Variants in AGO2 observed in about 807,000 individuals in gnomAD.
AGO2 encodes the protein protein argonaute-2.
In AGO2, 5 loss-of-function variants were observed where a neutral mutation model predicts 102.3. The observed-to-expected ratio is 0.05, with a 90% CI of 0.03 to 0.10. The LOEUF is 0.10. AGO2 is among the 10% of genes least tolerant of loss of function. The pLI, the probability that AGO2 is intolerant of heterozygous loss-of-function variation, is 1.00. For missense variants in AGO2, 541 were observed against 1,183.7 expected, an observed-to-expected ratio of 0.46 and a Z score of 7.97; for synonymous variants, 449 against 473.1, an observed-to-expected ratio of 0.95 and a Z score of 0.66.
In AGO2 at chr8:140,613,322, C is replaced by T. The variant is rs140355001; in HGVS notation, c.22+22163G>A. On this transcript the variant is annotated intron_variant, in intron 1 of 18. Coordinates refer to ENST00000220592, the MANE Select transcript of AGO2 (RefSeq NM_012154.5). ...GAGATTTAGGAAAAATGTAAAACTA[C>T]GCCACTCTTCTCATTATATTTTGTT... is the stretch of plus-strand genomic sequence containing the variant. Among the ~76,000 whole-genome samples, 1,365 of 152,270 alleles carry T rather than the reference C, an allele frequency of 9.0e-3. 6 individuals are homozygous for T. Among genetic ancestry groups the T allele is most frequent in the Non-Finnish European group, 0.014 (979 of 68,028 alleles).
rs368964253 is a variant in AGO2, at chr8:140,539,359, C to T, written c.2130G>A (p.Arg710=). 19 of 1,613,734 alleles carry T rather than the reference C, an allele frequency of 1.2e-5. No individual in the cohort carries two copies. Among genetic ancestry groups the T allele is most frequent in the Non-Finnish European group, 1.4e-5 (17 of 1,179,850 alleles). ...CAGTGCAGAAGAGCCGGGTGTGGTGCCTCTTCTGCACCACGATGAAGGTGA... is the reference window on the plus strand; with the variant it reads ...CAGTGCAGAAGAGCCGGGTGTGGTGTCTCTTCTGCACCACGATGAAGGTGA... ...PGITFIVVQK[R]HHTRLFCTDK... The change falls in exon 16 of 19, where the codon AGG becomes AGA. Residue 710 remains arginine, a synonymous_variant. Transcript: ENST00000220592. The surrounding 1 kb of genome is among the most constrained non-coding windows in gnomAD (Gnocchi z 4.7).
At chr8:140,546,276 C>T (rs1004995970) in intron 13 of AGO2, among the ~76,000 whole-genome samples, 4 of 152,220 alleles carry the variant, frequency 2.6e-5, no homozygotes, top group Non-Finnish European at 5.9e-5. Context: ...ATTCAACGGA[C>T]TGTTTCTGGG....
Position 140,559,381 on chromosome 8 carries a change from G to A in AGO2, c.790+14C>T. The A allele has an allele frequency of 6.2e-7, 1 of 1,613,740 alleles. No individual in the cohort carries two copies. Among genetic ancestry groups the A allele is most frequent in the East Asian group, 2.2e-5 (1 of 44,878 alleles). ...TCCCAGCCCTCAGCCAGGTGTGCTG[G>A]GACAGTTCATTACCTTTAATTTCTT... On this transcript the variant is annotated intron_variant, in intron 6 of 18. Coordinates refer to ENST00000220592, the MANE Select transcript of AGO2 (RefSeq NM_012154.5).
Position 140,531,198 on chromosome 8 carries a change from C to T in AGO2, c.*846G>A, listed in dbSNP as rs1421898533. On this transcript the variant is annotated 3_prime_UTR_variant, in exon 19 of 19. Transcript: ENST00000220592. Reference sequence around the variant, plus strand: ...ACCAGATATATATATTCTTCTCTTACATTAAAGACATAACAGTGAAAAAGG... The same window carrying T: ...ACCAGATATATATATTCTTCTCTTATATTAAAGACATAACAGTGAAAAAGG... 6.6e-6 allele frequency: 1 copy of T among 152,524 alleles called. No homozygotes were observed. Among genetic ancestry groups the T allele is most frequent in the Non-Finnish European group, 1.5e-5 (1 of 68,040 alleles). 9.4% of individuals were successfully genotyped at this position (152,524 alleles called of 1,614,324 possible).
intron 6 of AGO2, 90 bp from the exon 7 acceptor site, chr8:140,558,662 G>T: frequency 2.8e-6 from 4 of 1,415,406 alleles, no homozygotes; most frequent in Non-Finnish European, 4.0e-6. Context: ...ATAGGAATGT[G>T]GCTGGGGACC....
At position 140,540,812 on chromosome 8, in the gene AGO2, G is replaced by A. The variant is rs752605956; in HGVS notation, c.2034+352C>T. 3.4e-4 allele frequency among the ~76,000 whole-genome samples: 52 copies of A among 152,028 alleles called. 1 individual carries two copies. The highest frequency in any genetic ancestry group is 7.2e-5 in the African/African-American group (3 of 41,402). The stretch of plus-strand genomic sequence containing the variant: ...AGCTCCCCGCCTCGCAGGGACACCC[G>A]ACAGCTCTCCACAGCCTGCAAGGCA... On this transcript the variant is annotated intron_variant, in intron 15 of 18. Coordinates refer to ENST00000220592, the MANE Select transcript of AGO2 (RefSeq NM_012154.5). This position sits in a 1 kb window ranked among gnomAD's most constrained non-coding sequence, Gnocchi z 5.0.
chr8:140,621,116 C>T (rs1664283001), intron 1 of AGO2, among the ~76,000 whole-genome samples: 2 of 152,180 alleles, frequency 1.3e-5, no homozygotes, highest in South Asian at 4.1e-4. Context: ...ATCTCTCCAC[C>T]CACAGTTGCC....
intron 1 of AGO2, among the ~76,000 whole-genome samples, chr8:140,620,133 T>C (rs1464807481): frequency 1.3e-5 from 2 of 152,006 alleles, no homozygotes; most frequent in African/African-American, 4.8e-5. Flanking sequence ...CCTGAAGGGG[T>C]CCCACGTCAG....
chr8:140,576,921 T>C (rs1324088610), intron 2 of AGO2, among the ~76,000 whole-genome samples: 4 of 152,058 alleles, frequency 2.6e-5, no homozygotes, highest in Non-Finnish European at 5.9e-5. Context: ...GAAACACGCT[T>C]GGCGGGCCAG....
intron 1 of AGO2, among the ~76,000 whole-genome samples, chr8:140,612,549 C>T (rs189502124): frequency 3.3e-5 from 5 of 151,954 alleles, no homozygotes; most frequent in African/African-American, 7.2e-5. Context: ...GTGGATCACA[C>T]GAGGAGTTTG....
At chr8:140,552,466 G>T (rs1179595931) in intron 10 of AGO2, among the ~76,000 whole-genome samples, 1 of 152,234 alleles carries the variant, frequency 6.6e-6, no homozygotes, top group African/African-American at 2.4e-5. Context: ...ATGCGGCTGT[G>T]CCTGGGCTGC....
Position 140,551,288 on chromosome 8 carries a change from CT to C in AGO2, c.1403+14del, listed in dbSNP as rs2072989255. On this transcript the variant is annotated intron_variant, in intron 11 of 18. Transcript: ENST00000220592. ...AGCACCCCCAGGCCGGAGCCTCTGC[CT>C]GTGGGGGGCTTACTTCAGATGGACT... 2 of 1,507,940 alleles carry C rather than the reference CT, an allele frequency of 1.3e-6. No individual in the cohort carries two copies. The highest frequency in any genetic ancestry group is 2.6e-5 in the South Asian group (2 of 78,028). 93.4% of individuals were successfully genotyped at this position (1,507,940 alleles called of 1,614,324 possible). A position where few individuals can be genotyped will look rare whatever the true frequency, so the allele number is the denominator to read the frequency against.
Position 140,618,139 on chromosome 8 carries a change from G to A in AGO2, c.22+17346C>T, listed in dbSNP as rs181313135. Among the ~76,000 whole-genome samples, 640 of 152,096 alleles carry A rather than the reference G, an allele frequency of 4.2e-3. 9 individuals carry two copies. The highest frequency in any genetic ancestry group is 0.014 in the African/African-American group (596 of 41,466). On this transcript the variant is annotated intron_variant, in intron 1 of 18. Coordinates refer to ENST00000220592, the MANE Select transcript of AGO2 (RefSeq NM_012154.5). ...CAACACGGTGAAACCCTGCCAACAC[G>A]GTGAAACCCCGTCTCTACTAAAAAT...
intron 1 of AGO2, among the ~76,000 whole-genome samples, chr8:140,614,204 G>A (rs1408817880): frequency 6.6e-6 from 1 of 151,802 alleles, no homozygotes; most frequent in Non-Finnish European, 1.5e-5. Context: ...GCTTGTAGTA[G>A]TCCCAGCTAC....
chr8:140,619,241 G>A (rs935167059), intron 1 of AGO2, among the ~76,000 whole-genome samples: 4 of 152,176 alleles, frequency 2.6e-5, no homozygotes, highest in African/African-American at 9.7e-5. Flanking sequence ...CGCAGGCTCG[G>A]GAGCAAGTCT....
At chr8:140,532,642 T>C (rs778362056) in intron 17 of AGO2, 27 bp from the exon 18 acceptor site, 15 of 1,605,018 alleles carry the variant, frequency 9.3e-6, no homozygotes, top group Non-Finnish European at 1.3e-5. Context: ...GATTAGACAG[T>C]TGGACTCGCA....
chr8:140,546,320 C>G (rs548474016), intron 13 of AGO2, among the ~76,000 whole-genome samples: 1 of 152,184 alleles, frequency 6.6e-6, no homozygotes, highest in African/African-American at 2.4e-5. Context: ...AAACCTGGTC[C>G]CCCATGTGGC....
chr8:140,547,668 C>G (rs769606235), intron 12 of AGO2, 41 bp from the exon 13 acceptor site: 3 of 1,577,600 alleles, frequency 1.9e-6, no homozygotes, highest in Non-Finnish European at 2.6e-6. Context: ...GCCGGCGCCC[C>G]TTCCTCAGCT....
chr8:140,575,889 C>T (rs1319877098), intron 2 of AGO2, among the ~76,000 whole-genome samples: 3 of 152,076 alleles, frequency 2.0e-5, no homozygotes, highest in Non-Finnish European at 2.9e-5. Flanking sequence ...AAGATAAAAA[C>T]GTTCCTAAAA....
Sources: gnomAD v4.1 joint callset for allele counts (sites outside exome capture counted in the v4.1 genomes callset) on GRCh38, gnomAD v4.1.1 for gene constraint, Gnocchi (gnomAD v3.1) non-coding constraint, MANE v1.5 for transcripts, NCBI Gene and HGNC (gene_info 2026-07-23, HGNC 2026-07-21) for gene names.